Variants in CTNNA2 observed in about 807,000 individuals in gnomAD.
CTNNA2 encodes catenin alpha-2.
In CTNNA2, 42 loss-of-function variants were observed where a neutral mutation model predicts 101.0. The observed-to-expected ratio is 0.42, with a 90% confidence interval of 0.32 to 0.54. The LOEUF is 0.54. Ranked by LOEUF, CTNNA2 falls within the 20% of genes least tolerant of loss-of-function variation. The pLI is 0.14. For synonymous variants in CTNNA2, 450 were observed against 456.4 expected (o/e 0.99, Z 0.18); for missense variants, 871 against 1,223.1 (o/e 0.71, Z 4.29).
chr2:79,846,327 C>T (rs969085035), intron 3 of CTNNA2, among the ~76,000 whole-genome samples: 2 of 152,108 alleles, frequency 1.3e-5, no homozygotes, highest in Non-Finnish European at 2.9e-5. Context: ...AATTTCAAGC[C>T]TGGTTTATTT....
chr2:80,210,820 A>C (rs1426540796), intron 7 of CTNNA2, among the ~76,000 whole-genome samples: 4 of 152,192 alleles, frequency 2.6e-5, no homozygotes, highest in East Asian at 1.9e-4. Flanking sequence ...GAACTAGTTT[A>C]CAGTCCCACC....
At chr2:79,897,917 A>C (rs1684823917) in intron 6 of CTNNA2, among the ~76,000 whole-genome samples, 1 of 152,142 alleles carries the variant, frequency 6.6e-6, no homozygotes, top group Non-Finnish European at 1.5e-5. Flanking sequence ...AAGCTAGCCA[A>C]ATGCTCCTTG....
chr2:79,335,283 C>T (rs1205017960), intron 3 of CTNNA2, among the ~76,000 whole-genome samples: 1 of 152,122 alleles, frequency 6.6e-6, no homozygotes, highest in African/African-American at 2.4e-5. Flanking sequence ...ATTAGCAGAA[C>T]TGGAAAGAAC....
At chr2:80,018,413 C>T (rs896797127) in intron 7 of CTNNA2, among the ~76,000 whole-genome samples, 1 of 152,166 alleles carries the variant, frequency 6.6e-6, no homozygotes, top group African/African-American at 2.4e-5. Context: ...CCTTTCACCA[C>T]TCGTAATTCA....
At chr2:79,348,607 T>A (rs1257507831) in intron 3 of CTNNA2, among the ~76,000 whole-genome samples, 1 of 152,204 alleles carries the variant, frequency 6.6e-6, no homozygotes, top group Non-Finnish European at 1.5e-5. Context: ...AAATTTGTGG[T>A]TATGTGTCTG....
chr2:80,633,849 T>G (rs200072409), intron 18 of CTNNA2, among the ~76,000 whole-genome samples: 1 of 152,300 alleles, frequency 6.6e-6, no homozygotes, highest in East Asian at 1.9e-4. Context: ...ATTGTGGCTG[T>G]CTTTTGAGCA....
chr2:79,564,157 A>G (rs1052432688), intron 1 of CTNNA2, among the ~76,000 whole-genome samples: 10 of 152,172 alleles, frequency 6.6e-5, no homozygotes, highest in African/African-American at 2.4e-4. Context: ...TAAAAACCGC[A>G]TGCTGAGCTG....
chr2:79,343,723 GATTATTATT>G (rs71385268), intron 3 of CTNNA2, among the ~76,000 whole-genome samples: 56,693 of 147,672 alleles, frequency 0.38, 11,026 homozygotes, highest in South Asian at 0.49. Context: ...AGACACGGAC[GATTATTATT>G]ATTATTATTA....
chr2:80,258,349 A>G lies in CTNNA2; in HGVS notation c.1057-134862A>G, dbSNP rs550941104. 3.3e-5 allele frequency among the ~76,000 whole-genome samples: 5 copies of G among 152,266 alleles called. No homozygotes were observed. In the South Asian group the frequency reaches 8.3e-4, roughly 25 times the overall value. On this transcript the variant is annotated intron_variant, in intron 7 of 18. Coordinates refer to ENST00000402739, the MANE Select transcript of CTNNA2 (RefSeq NM_001282597.3). ...TTGCAGCTGTTCCTAAATCAAAGTAAATTTGTTATCTGAAAAGTCAACTTA... is the reference window on the plus strand; with the variant it reads ...TTGCAGCTGTTCCTAAATCAAAGTAGATTTGTTATCTGAAAAGTCAACTTA...
chr2:79,517,468 A>G (rs1425849545), intron 1 of CTNNA2, among the ~76,000 whole-genome samples: 3 of 152,184 alleles, frequency 2.0e-5, no homozygotes, highest in African/African-American at 7.2e-5. Flanking sequence ...ATAAACACAA[A>G]TATATTTCTA....
chr2:80,220,431 T>A (rs891796301), intron 7 of CTNNA2, among the ~76,000 whole-genome samples: 5 of 152,224 alleles, frequency 3.3e-5, no homozygotes, highest in African/African-American at 4.8e-5. Context: ...TTGCATTTTT[T>A]AAATTTTCAG....
chr2:79,767,153 T>A (rs905563836), intron 3 of CTNNA2, among the ~76,000 whole-genome samples: 2 of 152,106 alleles, frequency 1.3e-5, no homozygotes, highest in Non-Finnish European at 2.9e-5. Context: ...TTCTTCAGTA[T>A]GCCAATTGCA....
intron 4 of CTNNA2, among the ~76,000 whole-genome samples, chr2:79,429,270 A>G (rs1678626094): frequency 6.6e-6 from 1 of 152,042 alleles, no homozygotes; most frequent in Admixed American, 6.6e-5. Context: ...TTTTCTGTGG[A>G]GCCTGATTTC....
At chr2:79,601,859 A>C (rs139381155) in intron 1 of CTNNA2, among the ~76,000 whole-genome samples, 326 of 152,336 alleles carry the variant, frequency 2.1e-3, no homozygotes, top group African/African-American at 7.5e-3. Flanking sequence ...GTTGAAAATA[A>C]CATGTTGAAG....
chr2:80,275,077 T>A (rs1242093033), intron 7 of CTNNA2, among the ~76,000 whole-genome samples: 1 of 152,360 alleles, frequency 6.6e-6, no homozygotes, highest in East Asian at 1.9e-4. Flanking sequence ...TTATTGCTCC[T>A]TTACATATAG....
At chr2:79,808,792 CT>C (rs72349722) in intron 3 of CTNNA2, among the ~76,000 whole-genome samples, 29 of 145,878 alleles carry the variant, frequency 2.0e-4, no homozygotes, top group Admixed American at 2.8e-4. Context: ...TTGTCATCAT[CT>C]TTTTTTTTTA....
intron 3 of CTNNA2, among the ~76,000 whole-genome samples, chr2:79,751,278 G>A (rs1204995881): frequency 1.3e-5 from 2 of 152,100 alleles, no homozygotes. Flanking sequence ...TTGATGAAAT[G>A]TTTCATATTC....
chr2:80,629,288 T>G (rs767022951), intron 18 of CTNNA2, among the ~76,000 whole-genome samples: 15 of 152,130 alleles, frequency 9.9e-5, no homozygotes, highest in Non-Finnish European at 1.8e-4. Flanking sequence ...CTTTTGTCAC[T>G]GGGAGTCCTT....
In CTNNA2 at chr2:79,369,801, C is replaced by T. The variant is rs186971451; in HGVS notation, c.-317-4030C>T. ...TACAACTTATTTAAATTCTGTCCAA[C>T]GTTCAAGACACAGCTTAAGTCCCAC... is the stretch of plus-strand genomic sequence containing the variant. On this transcript the variant is annotated intron_variant, in intron 3 of 21. Coordinates refer to the CTNNA2 transcript ENST00000466387. Among the ~76,000 whole-genome samples the T allele has an allele frequency of 1.2e-4, 18 of 152,290 alleles. 1 individual carries two copies. In the East Asian group the frequency reaches 2.3e-3, roughly 20 times the overall value.
Sources: allele counts gnomAD v4.1 joint callset (sites outside exome capture counted in the v4.1 genomes callset), GRCh38; gene constraint gnomAD v4.1.1; transcripts MANE v1.5; gene names NCBI Gene and HGNC (gene_info 2026-07-23, HGNC 2026-07-21).